The following CNBD1 variants were observed in gnomAD, a reference collection of about 807,000 sequenced individuals.
CNBD1 encodes the protein cyclic nucleotide-binding domain-containing protein 1.
Under a neutral mutation model 54.4 loss-of-function variants are expected in CNBD1, and 71 were observed. The observed-to-expected ratio is 1.30, with a 90% confidence interval of 1.08 to 1.59. The LOEUF is 1.59. Among genes scored for constraint, CNBD1 ranks in the 40% most tolerant of loss-of-function variants. The probability of loss-of-function intolerance (pLI) is 0.00; values close to 1 mark genes in which losing one functional copy is unlikely to be tolerated. For missense variants in CNBD1, 659 were observed against 518.0 expected, an observed-to-expected ratio of 1.27 and a Z score of -2.64; for synonymous variants, 182 against 170.7, an observed-to-expected ratio of 1.07 and a Z score of -0.51.
Position 87,376,937 on chromosome 8 carries a change from G to A in CNBD1, c.1304-5683G>A, listed in dbSNP as rs556754718. On this transcript the variant is annotated intron_variant, in intron 10 of 10. Transcript: ENST00000518476. ...ACTTGAGGACACATGTCTAACCACT[G>A]TTAGAGCACATCTTGGAACCCAAAT... is the stretch of plus-strand genomic sequence containing the variant. Among the ~76,000 whole-genome samples the A allele has an allele frequency of 1.9e-4, 28 of 150,608 alleles. 1 individual carries two copies. The South Asian group carries it at 3.3e-3, about 18-fold the overall frequency.
intron 8 of CNBD1, among the ~76,000 whole-genome samples, chr8:87,317,011 T>C (rs1435511937): frequency 6.6e-6 from 1 of 151,824 alleles, no homozygotes; most frequent in African/African-American, 2.4e-5. Context: ...TACATAAACT[T>C]CTCTAGGTCT....
chr8:87,100,438 C>T (rs1382733263), intron 4 of CNBD1, among the ~76,000 whole-genome samples: 1 of 152,062 alleles, frequency 6.6e-6, no homozygotes, highest in Admixed American at 6.6e-5. Context: ...TCTCATAGTA[C>T]TTCTCAATCT....
intron 4 of CNBD1, among the ~76,000 whole-genome samples, chr8:86,998,704 T>C (rs1465990021): frequency 6.6e-6 from 1 of 152,156 alleles, no homozygotes; most frequent in Admixed American, 6.5e-5. Context: ...TGATTTTAAA[T>C]TTATAGCACT....
intron 6 of CNBD1, among the ~76,000 whole-genome samples, chr8:87,257,204 A>C (rs1302629780): frequency 7.4e-6 from 1 of 135,740 alleles, no homozygotes. Flanking sequence ...ACCTGTCTCT[A>C]CTAAAAATAA....
At chr8:86,940,132 C>CTTTTTTTT (rs10671983) in intron 4 of CNBD1, among the ~76,000 whole-genome samples, 3,576 of 88,560 alleles carry the variant, frequency 0.04, 365 homozygotes, top group Non-Finnish European at 0.043. Context: ...CCACATGTTA[C>CTTTTTTTT]TTTTTTTTTT....
At chr8:87,399,097 C>T (rs1301280031) in intron 2 of CNBD1, among the ~76,000 whole-genome samples, 1 of 152,040 alleles carries the variant, frequency 6.6e-6, no homozygotes, top group Non-Finnish European at 1.5e-5. Flanking sequence ...TATAATGGAA[C>T]AGTATATTTC....
intron 4 of CNBD1, among the ~76,000 whole-genome samples, chr8:86,988,187 C>T (rs1366764919): frequency 7.0e-6 from 1 of 142,616 alleles, no homozygotes; most frequent in East Asian, 2.0e-4. Context: ...TTGAAATTCA[C>T]TATTGGTCTA....
chr8:87,012,444 A>T (rs1336404801), intron 4 of CNBD1, among the ~76,000 whole-genome samples: 1 of 152,154 alleles, frequency 6.6e-6, no homozygotes, highest in East Asian at 1.9e-4. Flanking sequence ...CAAGGAAAAA[A>T]ATATTTAACC....
At chr8:87,140,211 T>TTCTCTC (rs751577787) in intron 4 of CNBD1, among the ~76,000 whole-genome samples, 3 of 149,574 alleles carry the variant, frequency 2.0e-5, no homozygotes, top group South Asian at 2.1e-4. Flanking sequence ...TCTGTCTCTC[T>TTCTCTC]TCTCTCTCTC....
chr8:87,021,911 A>G (rs780957458), intron 4 of CNBD1, among the ~76,000 whole-genome samples: 14 of 152,164 alleles, frequency 9.2e-5, no homozygotes, highest in African/African-American at 2.9e-4. Flanking sequence ...GATCTATGTG[A>G]GAGATAAAAC....
intron 10 of CNBD1, among the ~76,000 whole-genome samples, chr8:87,374,158 A>T (rs897577430): frequency 6.6e-6 from 1 of 151,824 alleles, no homozygotes; most frequent in Non-Finnish European, 1.5e-5. Flanking sequence ...CAACATGTAT[A>T]TGACAGCTCT....
chr8:87,320,403 A>G (rs977576262), intron 8 of CNBD1, among the ~76,000 whole-genome samples: 1 of 152,072 alleles, frequency 6.6e-6, no homozygotes, highest in Non-Finnish European at 1.5e-5. Flanking sequence ...CCTTTATAAA[A>G]ATTGGCTGAA....
rs1554549758 is a variant in CNBD1 at position 87,045,744 on chromosome 8, A to AG, written c.431+105990_431+105991insG. Among the ~76,000 whole-genome samples the AG allele has an allele frequency of 2.9e-4, 42 of 146,674 alleles. 1 individual carries two copies. Among genetic ancestry groups the AG allele is most frequent in the African/African-American group, 1.1e-3 (42 of 39,012 alleles). On this transcript the variant is annotated intron_variant, in intron 4 of 10. Transcript: ENST00000518476. Reference sequence around the variant, plus strand: ...CGTCTCAAAAAAAAAAAAAAAAAAAACAGTACACATGTGCCGGCCAGGCAT... The same window carrying AG: ...CGTCTCAAAAAAAAAAAAAAAAAAAAGCAGTACACATGTGCCGGCCAGGCAT...
intron 4 of CNBD1, among the ~76,000 whole-genome samples, chr8:87,133,470 T>A (rs1198537273): frequency 6.6e-6 from 1 of 152,206 alleles, no homozygotes; most frequent in East Asian, 1.9e-4. Context: ...ATCAGTCAGT[T>A]TGAGCTGCTA....
At chr8:87,376,891 C>A (rs1263710997) in intron 10 of CNBD1, among the ~76,000 whole-genome samples, 7 of 151,684 alleles carry the variant, frequency 4.6e-5, no homozygotes, top group Non-Finnish European at 7.4e-5. Flanking sequence ...AAATCAGAAC[C>A]TTAGAAAGAA....
chr8:86,915,220 C>T (rs1412742037), intron 3 of CNBD1, among the ~76,000 whole-genome samples: 2 of 146,398 alleles, frequency 1.4e-5, no homozygotes, highest in Non-Finnish European at 2.9e-5. Flanking sequence ...GGTGGGGCCA[C>T]AGGAGCAGTT....
chr8:87,014,069 A>G (rs1180468548), intron 4 of CNBD1, among the ~76,000 whole-genome samples: 1 of 152,088 alleles, frequency 6.6e-6, no homozygotes, highest in Non-Finnish European at 1.5e-5. Context: ...TGTGTATACA[A>G]TATTTTCACT....
intron 4 of CNBD1, among the ~76,000 whole-genome samples, chr8:87,002,498 AT>A: frequency 6.6e-6 from 1 of 152,102 alleles, no homozygotes; most frequent in South Asian, 2.1e-4. Flanking sequence ...CCAGCCCTTC[AT>A]TCTATTCCAG....
rs534227110 is a variant in CNBD1 at position 87,353,513 on chromosome 8, T to A, written c.1153-123T>A. ...AAATTTTTCTGTAATTTAAATACAA[T>A]TGCTAATTTATTTTAAATATCATTT... On this transcript the variant is annotated intron_variant, in intron 9 of 10. Transcript: ENST00000518476. 7.2e-5 allele frequency: 44 copies of A among 613,598 alleles called. 2 individuals are homozygous for A. The South Asian group carries it at 9.3e-4, about 13-fold the overall frequency. 38.0% of individuals were successfully genotyped at this position (613,598 alleles called of 1,614,324 possible).
Sources: gnomAD v4.1 joint callset for allele counts (sites outside exome capture counted in the v4.1 genomes callset) on GRCh38, gnomAD v4.1.1 for gene constraint, MANE v1.5 for transcripts, NCBI Gene and HGNC (gene_info 2026-07-23, HGNC 2026-07-21) for gene names.